AP1G1: variants seen among roughly 807,000 people sequenced by gnomAD.
AP1G1 encodes AP-1 complex subunit gamma-1.
Under a neutral mutation model 108.3 loss-of-function variants are expected in AP1G1, and 7 were observed. The ratio of observed to expected loss-of-function variants is 0.06; its 90% CI spans 0.04 to 0.12. The LOEUF (loss-of-function observed/expected upper bound fraction) is 0.12, where lower values mean the gene tolerates loss of function less well. Ranked by LOEUF, AP1G1 falls within the 10% of genes least tolerant of loss-of-function variation. AP1G1 has a pLI of 1.00. For synonymous variants in AP1G1, 379 were observed against 353.5 expected (o/e 1.07, Z -0.81); for missense variants, 756 against 1,010.7 (o/e 0.75, Z 3.42).
intron 2 of AP1G1, among the ~76,000 whole-genome samples, chr16:71,775,812 G>A (rs1467052985): frequency 1.3e-5 from 2 of 152,238 alleles, no homozygotes; most frequent in African/African-American, 4.8e-5. Context: ...AAACTCAGTA[G>A]TGGAATTAAG....
chr16:71,795,480 G>C (rs903209484), intron 1 of AP1G1, among the ~76,000 whole-genome samples: 1 of 152,184 alleles, frequency 6.6e-6, no homozygotes, highest in Non-Finnish European at 1.5e-5. Flanking sequence ...TTCAAGGGAT[G>C]TAAGTTAACA....
chr16:71,807,977 A>C (rs2033053893), intron 1 of AP1G1: 1 of 1,235,910 alleles, frequency 8.1e-7, no homozygotes, highest in Non-Finnish European at 1.0e-6. Flanking sequence ...AAGCCATTTA[A>C]TCTGCTTCAT....
intron 1 of AP1G1, among the ~76,000 whole-genome samples, chr16:71,797,002 T>A: frequency 7.1e-6 from 1 of 140,164 alleles, no homozygotes; most frequent in South Asian, 2.2e-4. Context: ...AGACCCTGAC[T>A]CTTAAAAAAA....
chr16:71,763,229 G>C (rs2031174792), intron 9 of AP1G1, among the ~76,000 whole-genome samples: 1 of 152,198 alleles, frequency 6.6e-6, no homozygotes, highest in Non-Finnish European at 1.5e-5. Context: ...AGTGTTGAAT[G>C]ATTGTGTGAG....
At chr16:71,737,517 T>A (rs1011971763) in intron 21 of AP1G1, among the ~76,000 whole-genome samples, 2 of 152,196 alleles carry the variant, frequency 1.3e-5, no homozygotes, top group African/African-American at 4.8e-5. Context: ...ACTCCTGAGC[T>A]CAAGCGATCC....
intron 2 of AP1G1, among the ~76,000 whole-genome samples, chr16:71,784,976 A>T (rs2032149017): frequency 6.7e-6 from 1 of 149,356 alleles, no homozygotes; most frequent in Non-Finnish European, 1.5e-5. Context: ...TACTGTAGTA[A>T]AAAGTTTTAA....
rs562889506 is a variant in AP1G1, at chr16:71,759,535, C to T, written c.975-614G>A. ...CAGCACTTTGGGAGGCCCAGGTGGG[C>T]GGATCAAGAGGTCAGGAGATTAAGA... is the stretch of plus-strand genomic sequence containing the variant. On this transcript the variant is annotated intron_variant, in intron 10 of 22. Coordinates refer to ENST00000299980, the MANE Select transcript of AP1G1 (RefSeq NM_001128.6). Among the ~76,000 whole-genome samples, 17 of 150,950 alleles carry T rather than the reference C, an allele frequency of 1.1e-4. No individual in the cohort carries two copies. In the South Asian group the frequency reaches 1.7e-3, roughly 15 times the overall value.
At chr16:71,778,420 C>T (rs187074779) in intron 2 of AP1G1, among the ~76,000 whole-genome samples, 1 of 152,254 alleles carries the variant, frequency 6.6e-6, no homozygotes, top group Admixed American at 6.5e-5. Context: ...CAGTGGCTCA[C>T]ACCTGTAATC....
intron 6 of AP1G1, among the ~76,000 whole-genome samples, chr16:71,767,377 T>C (rs2031358255): frequency 6.6e-6 from 1 of 152,198 alleles, no homozygotes; most frequent in African/African-American, 2.4e-5. Flanking sequence ...CAAAATCCTT[T>C]TAATATTCCA....
chr16:71,738,116 G>A (rs531071631), intron 21 of AP1G1, among the ~76,000 whole-genome samples: 1 of 152,232 alleles, frequency 6.6e-6, no homozygotes. Context: ...GGCATAATCT[G>A]AGCTCACTGC....
intron 1 of AP1G1, 30 bp from the exon 2 acceptor site, chr16:71,789,512 G>A (rs1345288600): frequency 1.4e-5 from 23 of 1,595,378 alleles, no homozygotes; most frequent in Non-Finnish European, 2.0e-5. Flanking sequence ...AAATAGAGAT[G>A]TTCACATTTT....
At chr16:71,752,117 G>C (rs767411054) in intron 13 of AP1G1, among the ~76,000 whole-genome samples, 17 of 152,070 alleles carry the variant, frequency 1.1e-4, no homozygotes, top group Non-Finnish European at 2.2e-4. Flanking sequence ...GCATGTAACA[G>C]GCTAAAGAAA....
chr16:71,736,117 A>AAAAAAAAAAAAAATATAT (rs1555550846), intron 21 of AP1G1, among the ~76,000 whole-genome samples: 2 of 71,632 alleles, frequency 2.8e-5, no homozygotes, highest in African/African-American at 1.2e-4. Flanking sequence ...AAAAAAAAAA[A>AAAAAAAAAAAAAATATAT]ATATATATAT....
chr16:71,736,642 G>C (rs1363586082), intron 21 of AP1G1, among the ~76,000 whole-genome samples: 3 of 150,330 alleles, frequency 2.0e-5, no homozygotes, highest in Non-Finnish European at 4.4e-5. Flanking sequence ...CTGGAGTCCA[G>C]TGGGGTGATC....
At chr16:71,742,253 T>C (rs1244905074) in intron 19 of AP1G1, 1 of 152,084 alleles carries the variant, frequency 6.6e-6, no homozygotes, top group East Asian at 1.9e-4. Flanking sequence ...TCATCTATAA[T>C]ACAAATATGT....
At chr16:71,768,964 T>TAAAA (rs1467316992) in intron 6 of AP1G1, among the ~76,000 whole-genome samples, 2 of 35,980 alleles carry the variant, frequency 5.6e-5, no homozygotes, top group East Asian at 3.9e-3. Context: ...ATTCCTGCCT[T>TAAAA]TAAAAAAAAA....
intron 18 of AP1G1, 101 bp from the exon 19 acceptor site, chr16:71,745,371 T>A: frequency 6.2e-7 from 1 of 1,601,148 alleles, no homozygotes; most frequent in Non-Finnish European, 8.5e-7. Context: ...AAGGAAATCA[T>A]CAACCAACCC....
At position 71,791,822 on chromosome 16, in the gene AP1G1, C is replaced by A. The variant is rs867336574; in HGVS notation, c.-3-2340G>T. Among the ~76,000 whole-genome samples the A allele has an allele frequency of 2.2e-5, 3 of 134,982 alleles. No individual in the cohort carries two copies. In the Admixed American group the frequency reaches 2.6e-4, roughly 12 times the overall value. The allele number at this position is 134,982 out of a possible 152,430, so 88.6% of individuals were successfully genotyped here. A position where few individuals can be genotyped will look rare whatever the true frequency, so the allele number is the denominator to read the frequency against. On this transcript the variant is annotated intron_variant, in intron 1 of 22. Transcript: ENST00000299980. ...CGTTGCCCAGGCTGGAGTGCAATGGCGCAATCTCGGCTCACTGCAACCTCC... is the reference window on the plus strand; with the variant it reads ...CGTTGCCCAGGCTGGAGTGCAATGGAGCAATCTCGGCTCACTGCAACCTCC...
intron 1 of AP1G1, among the ~76,000 whole-genome samples, chr16:71,793,825 T>G (rs1254385374): frequency 1.3e-5 from 2 of 152,114 alleles, no homozygotes; most frequent in African/African-American, 4.8e-5. Flanking sequence ...TCCTCCCACC[T>G]CAGCTCCCCA....
Sources: gnomAD v4.1 joint callset for allele counts (sites outside exome capture counted in the v4.1 genomes callset) on GRCh38, gnomAD v4.1.1 for gene constraint, MANE v1.5 for transcripts, NCBI Gene and HGNC (gene_info 2026-07-23, HGNC 2026-07-21) for gene names.